Variants in ZDHHC15 observed in about 807,000 individuals in gnomAD.
The protein encoded by ZDHHC15 is palmitoyltransferase ZDHHC15.
A neutral mutation model predicts 31.7 loss-of-function variants in ZDHHC15; 19 were observed. The observed-to-expected ratio is 0.60, with a 90% CI of 0.42 to 0.88. The LOEUF is 0.88. Ranked by LOEUF, ZDHHC15 falls within the 40% of genes least tolerant of loss-of-function variation. ZDHHC15 has a pLI of 0.00. For missense variants in ZDHHC15, 209 were observed against 251.2 expected, an observed-to-expected ratio of 0.83 and a Z score of 1.14; for synonymous variants, 103 against 90.0, an observed-to-expected ratio of 1.14 and a Z score of -0.82.
intron 3 of ZDHHC15, among the ~76,000 whole-genome samples, chrX:75,456,490 C>G (rs1220883299): frequency 9.1e-6 from 1 of 110,477 alleles, no homozygotes; most frequent in Non-Finnish European, 1.9e-5. Context: ...TACCCTAGAA[C>G]TTAAAGTATA....
intron 10 of ZDHHC15, among the ~76,000 whole-genome samples, chrX:75,385,596 T>A (rs2083170912): frequency 1.8e-5 from 2 of 111,847 alleles, no homozygotes; most frequent in African/African-American, 6.5e-5. Flanking sequence ...CTTATTTTAA[T>A]GAGTTCCCAT....
chrX:75,439,382 T>C (rs1424001657), intron 4 of ZDHHC15, among the ~76,000 whole-genome samples: 2 of 111,712 alleles, frequency 1.8e-5, no homozygotes, highest in Non-Finnish European at 3.8e-5. Flanking sequence ...TTTCTTTGTC[T>C]TTGTCAGATT....
chrX:75,442,475 G>C (rs2083956598), intron 4 of ZDHHC15, among the ~76,000 whole-genome samples: 1 of 111,798 alleles, frequency 8.9e-6, no homozygotes, highest in Non-Finnish European at 1.9e-5. Context: ...CAAAATCAAT[G>C]TGCAAAAATC....
At chrX:75,492,107 C>T (rs1602723916) in intron 2 of ZDHHC15, among the ~76,000 whole-genome samples, 1 of 110,862 alleles carries the variant, frequency 9.0e-6, no homozygotes, top group Admixed American at 9.6e-5. Context: ...ATCTACCAAG[C>T]AACTGGAAAA....
chrX:75,492,736 G>A (rs948927750), intron 2 of ZDHHC15, among the ~76,000 whole-genome samples: 1 of 111,612 alleles, frequency 9.0e-6, no homozygotes, highest in African/African-American at 3.3e-5. Context: ...AAACCAATGA[G>A]AACAAAGACA....
At position 75,463,651 on chromosome X, in the gene ZDHHC15, CA is replaced by C. The variant is rs766093777; in HGVS notation, c.259-12730del. Among the ~76,000 whole-genome samples the C allele has an allele frequency of 1.3e-4, 15 of 111,539 alleles. No individual in the cohort carries two copies. In the East Asian group the frequency reaches 4.0e-3, roughly 30 times the overall value. On this transcript the variant is annotated intron_variant, in intron 3 of 11. Coordinates refer to ENST00000373367, the MANE Select transcript of ZDHHC15 (RefSeq NM_144969.3). ...GCGAAGGATATGAACAGACACTTCT[CA>C]AAAGAAGACATTTATGCAGCCAACA...
At chrX:75,481,348 C>G (rs2084686144) in intron 2 of ZDHHC15, among the ~76,000 whole-genome samples, 1 of 111,629 alleles carries the variant, frequency 9.0e-6, no homozygotes, top group South Asian at 3.7e-4. Flanking sequence ...AACTCCTACA[C>G]TTGGCAGTAT....
At chrX:75,441,357 T>G (rs1464070810) in intron 4 of ZDHHC15, among the ~76,000 whole-genome samples, 1 of 111,521 alleles carries the variant, frequency 9.0e-6, no homozygotes, top group African/African-American at 3.3e-5. Flanking sequence ...GCCTACAGGG[T>G]TCTTCCCACT....
rs759904278 is a variant in ZDHHC15 at position 75,437,341 on chromosome X, T to A, written c.380-5821A>T. Among the ~76,000 whole-genome samples, 765 of 101,641 alleles carry A rather than the reference T, an allele frequency of 7.5e-3. 17 individuals carry two copies. The highest frequency in any genetic ancestry group is 0.027 in the African/African-American group (740 of 27,583). 88.3% of individuals were successfully genotyped at this position (101,641 alleles called of 115,157 possible). A position where few individuals can be genotyped will look rare whatever the true frequency, so the allele number is the denominator to read the frequency against. On this transcript the variant is annotated intron_variant, in intron 4 of 11. Coordinates refer to ENST00000373367, the MANE Select transcript of ZDHHC15 (RefSeq NM_144969.3). ...AGGGTACATGTGCACAATGTGCAGG[T>A]TAGTTACATATGTATACATGTGCCA... is the stretch of plus-strand genomic sequence containing the variant.
intron 10 of ZDHHC15, 82 bp from the exon 11 acceptor site, chrX:75,379,280 T>C (rs1321415577): frequency 1.9e-6 from 2 of 1,034,169 alleles, no homozygotes. Context: ...GTTTTCCTTC[T>C]TGTTCAATCT....
In ZDHHC15 at chrX:75,368,645, C is replaced by G. The variant is rs1409935872; in HGVS notation, c.*4333G>C. 8.9e-6 allele frequency: 1 copy of G among 111,789 alleles called. No homozygotes were observed. The highest frequency in any genetic ancestry group is 1.9e-5 in the Non-Finnish European group (1 of 53,164). 9.2% of individuals were successfully genotyped at this position (111,789 alleles called of 1,213,427 possible). Reference sequence around the variant, plus strand: ...ATAGTTCATATATTACCAAGACCCACTGCCAGCTTTCCTTTTATGTTCCTT... The same window carrying G: ...ATAGTTCATATATTACCAAGACCCAGTGCCAGCTTTCCTTTTATGTTCCTT... On this transcript the variant is annotated 3_prime_UTR_variant, in exon 12 of 12. Transcript: ENST00000373367.
At chrX:75,491,042 T>A (rs1283321211) in intron 2 of ZDHHC15, among the ~76,000 whole-genome samples, 1 of 111,684 alleles carries the variant, frequency 9.0e-6, no homozygotes, top group Non-Finnish European at 1.9e-5. Flanking sequence ...TGTAAACTAG[T>A]TCAACCATTG....
chrX:75,495,927 A>G (rs2084989308), intron 2 of ZDHHC15, among the ~76,000 whole-genome samples: 3 of 108,928 alleles, frequency 2.8e-5, no homozygotes, highest in Admixed American at 9.9e-5. Flanking sequence ...AACTTGAAGC[A>G]TAATTAAAAA....
At chrX:75,403,586 C>G (rs2083380526) in intron 10 of ZDHHC15, among the ~76,000 whole-genome samples, 2 of 111,882 alleles carry the variant, frequency 1.8e-5, no homozygotes, top group Admixed American at 9.5e-5. Flanking sequence ...ACACCAACAA[C>G]AGTCAAACCA....
chrX:75,379,980 C>T (rs1434938704), intron 10 of ZDHHC15, among the ~76,000 whole-genome samples: 1 of 41,588 alleles, frequency 2.4e-5, no homozygotes, highest in Non-Finnish European at 7.0e-5. Context: ...TTCCAGACAG[C>T]AGGTTGCTTT....
intron 10 of ZDHHC15, among the ~76,000 whole-genome samples, chrX:75,397,489 C>T (rs928350800): frequency 9.0e-6 from 1 of 110,632 alleles, no homozygotes; most frequent in Admixed American, 9.6e-5. Context: ...ATTAAGATAT[C>T]TCATATACCC....
intron 2 of ZDHHC15, among the ~76,000 whole-genome samples, chrX:75,491,552 C>G (rs1355096072): frequency 9.3e-6 from 1 of 107,803 alleles, no homozygotes; most frequent in Non-Finnish European, 1.9e-5. Flanking sequence ...GTGCAGCACA[C>G]CAGCATGGCA....
intron 3 of ZDHHC15, among the ~76,000 whole-genome samples, chrX:75,467,007 C>T (rs2084417404): frequency 9.0e-6 from 1 of 111,257 alleles, no homozygotes; most frequent in African/African-American, 3.3e-5. Flanking sequence ...ACCTGTATAA[C>T]AAATCTGCAT....
intron 3 of ZDHHC15, among the ~76,000 whole-genome samples, chrX:75,457,329 G>T (rs752779842): frequency 1.1e-3 from 122 of 110,177 alleles, no homozygotes; most frequent in Middle Eastern, 9.5e-3. Flanking sequence ...ATTAAAAAAA[G>T]AATTGGGTTG....
Sources: gnomAD v4.1 joint callset for allele counts (sites outside exome capture counted in the v4.1 genomes callset) on GRCh38, gnomAD v4.1.1 for gene constraint, MANE v1.5 for transcripts, NCBI Gene and HGNC (gene_info 2026-07-23, HGNC 2026-07-21) for gene names.